CLINT1: variants seen among roughly 807,000 people sequenced by gnomAD.
CLINT1 encodes the protein clathrin interacting protein localized in the trans-Golgi region.
In CLINT1, 15 loss-of-function variants were observed where a neutral mutation model predicts 70.4. That is an observed-to-expected ratio of 0.21 (90% CI 0.14 to 0.33). The LOEUF (loss-of-function observed/expected upper bound fraction) is 0.33. Ranked by LOEUF, CLINT1 falls within the 10% of genes least tolerant of loss-of-function variation. CLINT1 has a pLI of 1.00. For synonymous variants in CLINT1, 227 were observed against 254.7 expected, an observed-to-expected ratio of 0.89 and a Z score of 1.04; for missense variants, 615 against 778.1, an observed-to-expected ratio of 0.79 and a Z score of 2.49.
chr5:157,818,071 T>A (rs1762774400), intron 1 of CLINT1, among the ~76,000 whole-genome samples: 1 of 152,180 alleles, frequency 6.6e-6, no homozygotes, highest in Non-Finnish European at 1.5e-5. Context: ...GATCCTTGAG[T>A]CTTTTTTCAT....
intron 1 of CLINT1, among the ~76,000 whole-genome samples, chr5:157,821,388 T>C (rs1048507789): frequency 4.8e-5 from 7 of 147,010 alleles, no homozygotes; most frequent in Non-Finnish European, 1.1e-4. Context: ...AGACATGAGA[T>C]GTAATAATGG....
chr5:157,830,306 T>C (rs775124941), intron 1 of CLINT1, among the ~76,000 whole-genome samples: 4 of 152,204 alleles, frequency 2.6e-5, no homozygotes, highest in Non-Finnish European at 5.9e-5. Context: ...TTGCCATTCT[T>C]GTTTTTGGTA....
intron 1 of CLINT1, among the ~76,000 whole-genome samples, chr5:157,845,783 T>G (rs1753351551): frequency 1.3e-5 from 2 of 152,204 alleles, no homozygotes; most frequent in Non-Finnish European, 1.5e-5. Flanking sequence ...CTCGATCTCC[T>G]GACCTCGTGA....
At chr5:157,825,239 T>C (rs1763000229) in intron 1 of CLINT1, among the ~76,000 whole-genome samples, 1 of 152,166 alleles carries the variant, frequency 6.6e-6, no homozygotes, top group South Asian at 2.1e-4. Context: ...TATTTATGGC[T>C]TCAACTATGT....
chr5:157,837,762 G>T (rs1763478464), intron 1 of CLINT1, among the ~76,000 whole-genome samples: 1 of 150,936 alleles, frequency 6.6e-6, no homozygotes, highest in African/African-American at 2.4e-5. Flanking sequence ...TCCTGCCTCA[G>T]CCTCCCGAGT....
At chr5:157,817,780 T>C (rs556515241) in intron 1 of CLINT1, among the ~76,000 whole-genome samples, 2 of 152,240 alleles carry the variant, frequency 1.3e-5, no homozygotes, top group East Asian at 3.9e-4. Context: ...GATGAGAGAT[T>C]ACATTAGAGC....
chr5:157,820,124 C>T (rs966799340), intron 1 of CLINT1, among the ~76,000 whole-genome samples: 2 of 151,920 alleles, frequency 1.3e-5, no homozygotes, highest in African/African-American at 2.4e-5. Flanking sequence ...AATAACAGAA[C>T]GCTTACACAA....
intron 1 of CLINT1, among the ~76,000 whole-genome samples, chr5:157,850,389 C>T (rs143639049): frequency 5.9e-4 from 90 of 151,908 alleles, no homozygotes; most frequent in African/African-American, 1.8e-3. Flanking sequence ...AGGCTTGAGG[C>T]GGGCGGATTG....
chr5:157,824,980 A>C (rs1762991941), intron 1 of CLINT1, among the ~76,000 whole-genome samples: 2 of 152,160 alleles, frequency 1.3e-5, no homozygotes, highest in African/African-American at 4.8e-5. Context: ...TGGTTTTAGT[A>C]AATATTAAAT....
chr5:157,858,886 C>CCCCCCCCCCCCCCCCCCCCCCCCCA, intron 1 of CLINT1, 44 bp downstream of exon 1: 1 of 872,744 alleles, frequency 1.1e-6, no homozygotes, highest in Non-Finnish European at 1.7e-6. Flanking sequence ...CCCCTCCCCC[C>CCCCCCCCCCCCCCCCCCCCCCCCCA]TCCCCCACGT....
intron 5 of CLINT1, among the ~76,000 whole-genome samples, chr5:157,811,048 T>C (rs2113197967): frequency 6.6e-6 from 1 of 152,260 alleles, no homozygotes; most frequent in Admixed American, 6.5e-5. Context: ...ATGGTTTTTT[T>C]AAAAAAAGTG....
chr5:157,787,455 T>C lies in CLINT1; in HGVS notation c.*191A>G, dbSNP rs369227922. The C allele has an allele frequency of 1.6e-6, 1 of 608,622 alleles. No individual in the cohort carries two copies. The highest frequency in any genetic ancestry group is 2.8e-5 in the East Asian group (1 of 36,082). The allele number at this position is 608,622 out of a possible 1,614,324, so 37.7% of individuals were successfully genotyped here. A position where few individuals can be genotyped will look rare whatever the true frequency, so the allele number is the denominator to read the frequency against. On this transcript the variant is annotated 3_prime_UTR_variant, in exon 12 of 12. Transcript: ENST00000411809. Reference sequence around the variant, plus strand: ...AAAAAATGATTTTGACTGCCTCATCTGAAGTGCTCTTGCCTGGCCCTCTGA... The same window carrying C: ...AAAAAATGATTTTGACTGCCTCATCCGAAGTGCTCTTGCCTGGCCCTCTGA...
At chr5:157,828,700 A>T (rs1345595595) in intron 1 of CLINT1, among the ~76,000 whole-genome samples, 1 of 152,108 alleles carries the variant, frequency 6.6e-6, no homozygotes, top group Admixed American at 6.5e-5. Context: ...ATTGCTAAAG[A>T]AGTATCCCTG....
chr5:157,814,023 A>G (rs749097093), intron 4 of CLINT1, among the ~76,000 whole-genome samples, 162 bp downstream of exon 4: 1 of 152,158 alleles, frequency 6.6e-6, no homozygotes, highest in Non-Finnish European at 1.5e-5. Context: ...TCTTGTCTTC[A>G]CTAATTAATA....
rs1554102281 is a variant in CLINT1, at chr5:157,840,213, A to AAAAAAAC, written c.41+18716_41+18717insGTTTTTT. ...GCCTCAAAAAAAAAAAAAAAAAAAAAGGAAAAAAGAGAAGAAGAACTGAGG... is the reference window on the plus strand; with the variant it reads ...GCCTCAAAAAAAAAAAAAAAAAAAAAAAAAAACGGAAAAAAGAGAAGAAGAACTGAGG... On this transcript the variant is annotated intron_variant, in intron 1 of 11. Transcript: ENST00000411809. Among the ~76,000 whole-genome samples, 9 of 141,542 alleles carry AAAAAAAC rather than the reference A, an allele frequency of 6.4e-5. 1 individual carries two copies. The highest frequency in any genetic ancestry group is 2.4e-4 in the African/African-American group (9 of 37,770). 92.9% of individuals were successfully genotyped at this position (141,542 alleles called of 152,430 possible). A position where few individuals can be genotyped will look rare whatever the true frequency, so the allele number is the denominator to read the frequency against.
chr5:157,826,768 T>C (rs970636523), intron 1 of CLINT1, among the ~76,000 whole-genome samples: 4 of 152,196 alleles, frequency 2.6e-5, no homozygotes, highest in Non-Finnish European at 5.9e-5. Context: ...TAGCAGGAAA[T>C]GTAACGCAAG....
intron 1 of CLINT1, among the ~76,000 whole-genome samples, chr5:157,858,083 C>A (rs1244118273): frequency 6.6e-6 from 1 of 152,158 alleles, no homozygotes; most frequent in Non-Finnish European, 1.5e-5. Flanking sequence ...TTTCCTTGTG[C>A]AAGTAAGAGA....
chr5:157,841,159 G>A (rs1430129526), intron 1 of CLINT1, among the ~76,000 whole-genome samples: 1 of 152,112 alleles, frequency 6.6e-6, no homozygotes, highest in African/African-American at 2.4e-5. Context: ...CCAGCTACAC[G>A]GGAGTCTAGA....
chr5:157,792,466 T>G (rs1761947378), intron 9 of CLINT1, among the ~76,000 whole-genome samples: 1 of 152,170 alleles, frequency 6.6e-6, no homozygotes, highest in Non-Finnish European at 1.5e-5. Context: ...AAGAATCGCT[T>G]GAACCCGGGA....
Sources: allele counts gnomAD v4.1 joint callset (sites outside exome capture counted in the v4.1 genomes callset), GRCh38; gene constraint gnomAD v4.1.1; transcripts MANE v1.5; gene names NCBI Gene and HGNC (gene_info 2026-07-23, HGNC 2026-07-21).